Variants in GRIP1 observed in about 807,000 individuals in gnomAD.
The protein encoded by GRIP1 is glutamate receptor-interacting protein 1.
In GRIP1, 45 loss-of-function variants were observed where a neutral mutation model predicts 129.9. The ratio of observed to expected loss-of-function variants is 0.35; its 90% CI spans 0.27 to 0.44. GRIP1 has a LOEUF of 0.44. GRIP1 is among the 20% of genes least tolerant of loss of function. GRIP1 has a pLI of 1.00. For synonymous variants in GRIP1, 530 were observed against 520.8 expected, an observed-to-expected ratio of 1.02 and a Z score of -0.24; for missense variants, 1,196 against 1,396.8, an observed-to-expected ratio of 0.86 and a Z score of 2.29.
chr12:66,944,430 T>A (rs2137460969), intron 1 of GRIP1, among the ~76,000 whole-genome samples: 1 of 152,164 alleles, frequency 6.6e-6, no homozygotes, highest in African/African-American at 2.4e-5. Context: ...GTTGATAGGA[T>A]ACTGATCCAC....
At chr12:66,540,268 T>C (rs145808731) in intron 3 of GRIP1, among the ~76,000 whole-genome samples, 2 of 152,376 alleles carry the variant, frequency 1.3e-5, no homozygotes, top group East Asian at 3.9e-4. Flanking sequence ...TCTTTAATTA[T>C]TCTGATTTAC....
At chr12:66,706,662 T>C (rs1015704678) in intron 1 of GRIP1, among the ~76,000 whole-genome samples, 1 of 152,098 alleles carries the variant, frequency 6.6e-6, no homozygotes, top group Admixed American at 6.6e-5. Context: ...GTAGTATATA[T>C]ACACCACGCA....
chr12:66,763,702 A>G (rs2037540907), intron 1 of GRIP1, among the ~76,000 whole-genome samples: 1 of 152,204 alleles, frequency 6.6e-6, no homozygotes, highest in African/African-American at 2.4e-5. Flanking sequence ...ACCAAAGCAC[A>G]TGTCAGGAGG....
At chr12:66,540,354 A>G (rs1296841613) in intron 3 of GRIP1, among the ~76,000 whole-genome samples, 2 of 152,246 alleles carry the variant, frequency 1.3e-5, no homozygotes, top group Non-Finnish European at 2.9e-5. Context: ...GCACAGTAAT[A>G]CTTTTAATTA....
chr12:67,049,235 A>G lies in GRIP1; in HGVS notation c.58+19815T>C, dbSNP rs1258309368. Among the ~76,000 whole-genome samples, 6 of 152,190 alleles carry G rather than the reference A, an allele frequency of 3.9e-5. No individual in the cohort carries two copies. In the South Asian group the frequency reaches 8.3e-4, roughly 21 times the overall value. ...TTTCCCATGTCATCAAATATCCTTC[A>G]TGACATTTTTCATGCTAAGAGAATA... On this transcript the variant is annotated intron_variant, in intron 1 of 1. Transcript: ENST00000643019.
chr12:66,648,364 G>T (rs2032534345), intron 1 of GRIP1, among the ~76,000 whole-genome samples: 1 of 152,184 alleles, frequency 6.6e-6, no homozygotes, highest in Non-Finnish European at 1.5e-5. Flanking sequence ...TATGTATCAT[G>T]ATTTGACCAA....
chr12:66,853,641 G>A (rs998925233), intron 1 of GRIP1, among the ~76,000 whole-genome samples: 12 of 152,068 alleles, frequency 7.9e-5, no homozygotes, highest in African/African-American at 2.9e-4. Context: ...ATTTTGAAAT[G>A]TCTTTTTCTC....
At chr12:66,355,182 C>T (rs1471798966) in intron 23 of GRIP1, among the ~76,000 whole-genome samples, 2 of 152,152 alleles carry the variant, frequency 1.3e-5, no homozygotes, top group African/African-American at 2.4e-5. Flanking sequence ...TTCCCTGAGA[C>T]GACCCTCTTC....
At chr12:66,975,880 T>C (rs2042143880) in intron 1 of GRIP1, among the ~76,000 whole-genome samples, 1 of 152,214 alleles carries the variant, frequency 6.6e-6, no homozygotes, top group African/African-American at 2.4e-5. Context: ...TTAAGAGCCA[T>C]GCCCTGGAGC....
At chr12:66,839,448 C>CA (rs2039675310) in intron 1 of GRIP1, among the ~76,000 whole-genome samples, 1 of 152,118 alleles carries the variant, frequency 6.6e-6, no homozygotes. Context: ...ATGCAGTATT[C>CA]ATCTGTGAGT....
At chr12:66,706,548 C>A (rs1156582410) in intron 1 of GRIP1, among the ~76,000 whole-genome samples, 1 of 151,974 alleles carries the variant, frequency 6.6e-6, no homozygotes, top group African/African-American at 2.4e-5. Flanking sequence ...ATCATTCTAC[C>A]ATAAAGACAC....
intron 1 of GRIP1, among the ~76,000 whole-genome samples, chr12:66,663,623 T>TA (rs1232005642): frequency 6.6e-6 from 1 of 152,154 alleles, no homozygotes; most frequent in Non-Finnish European, 1.5e-5. Context: ...GACATGTCTG[T>TA]AGTTTATTTC....
At chr12:66,750,508 T>C (rs1176612124) in intron 1 of GRIP1, among the ~76,000 whole-genome samples, 1 of 152,190 alleles carries the variant, frequency 6.6e-6, no homozygotes, top group Admixed American at 6.6e-5. Flanking sequence ...TTAGTCTACC[T>C]GTCAAGGGGA....
chr12:66,481,877 T>A (rs1488635423), intron 7 of GRIP1, among the ~76,000 whole-genome samples: 3 of 150,284 alleles, frequency 2.0e-5, no homozygotes, highest in Admixed American at 1.3e-4. Flanking sequence ...ACGTTCTCAC[T>A]CATAAGTGGG....
intron 1 of GRIP1, among the ~76,000 whole-genome samples, chr12:66,902,712 G>T (rs930159383): frequency 6.6e-6 from 1 of 152,172 alleles, no homozygotes; most frequent in African/African-American, 2.4e-5. Flanking sequence ...AATCTTCTGG[G>T]AAAATTCACT....
rs2054332258 is a variant in GRIP1 at position 66,353,464 on chromosome 12, C to T, written c.3112G>A (p.Gly1038Arg). 6.2e-7 allele frequency: 1 copy of T among 1,613,132 alleles called. No homozygotes were observed. Among genetic ancestry groups the T allele is most frequent in the Non-Finnish European group, 8.5e-7 (1 of 1,179,126 alleles). Residue 1038 changes from glycine to arginine, a missense_variant, in exon 24 of 25, where the codon GGG (glycine) becomes AGG (arginine). Transcript: ENST00000359742. Reference sequence around the variant, plus strand: ...TTTAAGCCACCAAGATCTCCTGGCCCAGCTGGGCGAATATTTTTGACATAC... The same window carrying T: ...TTTAAGCCACCAAGATCTCCTGGCCTAGCTGGGCGAATATTTTTGACATAC... Reference protein sequence around the residue: ...GVYVKNIRPAGPGDLGGLKPY... With the variant: ...GVYVKNIRPARPGDLGGLKPY...
intron 7 of GRIP1, among the ~76,000 whole-genome samples, chr12:66,486,122 G>A (rs1432234177): frequency 6.6e-6 from 1 of 151,982 alleles, no homozygotes; most frequent in African/African-American, 2.4e-5. Context: ...GTTTTACTGT[G>A]TATTTAATTC....
At chr12:66,595,221 G>C (rs1010020350) in intron 2 of GRIP1, among the ~76,000 whole-genome samples, 2 of 152,016 alleles carry the variant, frequency 1.3e-5, no homozygotes, top group African/African-American at 4.8e-5. Context: ...CTAACATAAA[G>C]AGAAGGAAAA....
At chr12:66,469,630 T>C (rs530959498) in intron 7 of GRIP1, among the ~76,000 whole-genome samples, 23 of 152,154 alleles carry the variant, frequency 1.5e-4, no homozygotes, top group Non-Finnish European at 2.8e-4. Flanking sequence ...GGTCCTAATC[T>C]AACTAACCAG....
Sources: gnomAD v4.1 joint callset for allele counts (sites outside exome capture counted in the v4.1 genomes callset) on GRCh38, gnomAD v4.1.1 for gene constraint, MANE v1.5 for transcripts, NCBI Gene and HGNC (gene_info 2026-07-23, HGNC 2026-07-21) for gene names.